The following ZNF862 variants were observed in gnomAD, a reference collection of about 807,000 sequenced individuals.
ZNF862 encodes the protein zinc finger protein 862.
In ZNF862, 64 loss-of-function variants were observed where a neutral mutation model predicts 91.1. The observed-to-expected ratio is 0.70, with a 90% confidence interval of 0.57 to 0.87. The LOEUF (loss-of-function observed/expected upper bound fraction) is 0.87. Among genes scored for constraint, ZNF862 ranks in the 40% least tolerant of loss-of-function variants. The probability of loss-of-function intolerance (pLI) is 0.00; values close to 1 mark genes in which losing one functional copy is unlikely to be tolerated. For synonymous variants in ZNF862, 631 were observed against 618.1 expected (o/e 1.02, Z -0.31); for missense variants, 1,459 against 1,528.0 (o/e 0.95, Z 0.75).
intron 4 of ZNF862, among the ~76,000 whole-genome samples, chr7:149,849,552 G>A (rs528728586): frequency 6.6e-6 from 1 of 152,316 alleles, no homozygotes; most frequent in East Asian, 1.9e-4. Flanking sequence ...TAGCTCGGAG[G>A]TTCCTCCTAG....
intron 1 of ZNF862, chr7:149,841,271 CT>C: frequency 1.0e-6 from 1 of 985,412 alleles, no homozygotes; most frequent in Non-Finnish European, 1.2e-6. Context: ...TAGACTCTTC[CT>C]TGGGTGCTGT....
chr7:149,844,195 A>C (rs1052628791), intron 1 of ZNF862, among the ~76,000 whole-genome samples: 4 of 152,144 alleles, frequency 2.6e-5, no homozygotes, highest in African/African-American at 7.2e-5. Flanking sequence ...TTCATCATCG[A>C]CTTCATTCAC....
At chr7:149,852,201 A>C (rs890352681) in intron 5 of ZNF862, 1 of 151,420 alleles carries the variant, frequency 6.6e-6, no homozygotes, top group Non-Finnish European at 1.5e-5. Flanking sequence ...TGTTATTATT[A>C]TTTTTACTTT....
At chr7:149,839,282 G>A (rs1801624460) in intron 1 of ZNF862, among the ~76,000 whole-genome samples, 1 of 152,208 alleles carries the variant, frequency 6.6e-6, no homozygotes, top group African/African-American at 2.4e-5. Flanking sequence ...GACCAGTGTG[G>A]TTGTGGGCAC....
Position 149,861,641 on chromosome 7 carries a change from GATGCTGAAGCTC to G in ZNF862, c.2486_2497del (p.Leu829_Met832del). ...GCCAGATTGGGCACCGGGCCAAAGG[GATGCTGAAGCTC>G]ATGCGCGGCTTCCACTTTGTCAAGT... On this transcript the variant is annotated inframe_deletion, in exon 7 of 8. Coordinates refer to ENST00000223210, the MANE Select transcript of ZNF862 (RefSeq NM_001099220.3). This position sits in a 1 kb window ranked among gnomAD's most constrained non-coding sequence, Gnocchi z 6.7. The G allele has an allele frequency of 6.2e-7, 1 of 1,607,012 alleles. No individual in the cohort carries two copies. The highest frequency in any genetic ancestry group is 8.5e-7 in the Non-Finnish European group (1 of 1,177,918).
At position 149,862,136 on chromosome 7, in the gene ZNF862, G is replaced by A. The variant is rs1802532490; in HGVS notation, c.2976G>A (p.Glu992=). 1 of 1,613,446 alleles carries A rather than the reference G, an allele frequency of 6.2e-7. No homozygotes were observed. The highest frequency in any genetic ancestry group is 1.7e-5 in the Admixed American group (1 of 60,028). The part of the protein sequence containing the change: ...TGYSEEALLE[E]WLGLKTIAQH... ...ACAGTGAGGAAGCTCTGCTGGAGGA[G>A]TGGCTGGGCCTGAAAACCATTGCCC... The change falls in exon 7 of 8, where the codon GAG becomes GAA. Residue 992 remains glutamate (E), a synonymous_variant. Coordinates refer to ENST00000223210, the MANE Select transcript of ZNF862 (RefSeq NM_001099220.3).
chr7:149,845,552 T>C (rs1371106562), intron 2 of ZNF862, among the ~76,000 whole-genome samples: 2 of 152,222 alleles, frequency 1.3e-5, no homozygotes. Flanking sequence ...AGTTGCAAAA[T>C]AGCAGCTCAT....
rs373426643 is a variant in ZNF862 at position 149,862,377 on chromosome 7, G to A, written c.3217G>A (p.Val1073Met). ...NMLMMTAVNG[V>M]AVTEYDPQPA... ...GCTCATGATGACAGCTGTGAACGGC[G>A]TGGCCGTCACGGAGTACGACCCCCA... Residue 1073 changes from valine (V) to methionine (M), a missense_variant, in exon 7 of 8, where the codon GTG becomes ATG. By Grantham distance (21) the Val-to-Met change is conservative. Transcript: ENST00000223210. 1.4e-5 allele frequency: 22 copies of A among 1,612,694 alleles called. No individual in the cohort carries two copies. The highest frequency in any genetic ancestry group is 4.4e-5 in the South Asian group (4 of 90,900).
rs1802732618 is a variant in ZNF862 at position 149,866,511 on chromosome 7, G to A, written c.*2227G>A. On this transcript the variant is annotated 3_prime_UTR_variant, in exon 8 of 8. Transcript: ENST00000223210. ...CTCAGAGCAGGAGGCCATCCTGTGA[G>A]CAGCCGTGAGTGGGTCTCTGTGGGA... The A allele has an allele frequency of 6.6e-6, 1 of 152,238 alleles. No homozygotes were observed. The highest frequency in any genetic ancestry group is 2.4e-5 in the African/African-American group (1 of 41,436). 9.4% of individuals were successfully genotyped at this position (152,238 alleles called of 1,614,324 possible). A position where few individuals can be genotyped will look rare whatever the true frequency, so the allele number is the denominator to read the frequency against.
Position 149,850,068 on chromosome 7 carries a change from C to T in ZNF862, c.940-93C>T, listed in dbSNP as rs951330840. ...GCATCTGGGCCTCTTGGTGAGCTTC[C>T]CAGGAGAAATAGGGCTTCCAAAGGC... On this transcript the variant is annotated intron_variant, in intron 4 of 7. Coordinates refer to ENST00000223210, the MANE Select transcript of ZNF862 (RefSeq NM_001099220.3). The surrounding 1 kb of genome is among the most constrained non-coding windows in gnomAD (Gnocchi z 4.2). 18 of 1,378,090 alleles carry T rather than the reference C, an allele frequency of 1.3e-5. No homozygotes were observed. In the African/African-American group the frequency reaches 2.2e-4, roughly 17 times the overall value. The allele number at this position is 1,378,090 out of a possible 1,614,324, so 85.4% of individuals were successfully genotyped here. A position where few individuals can be genotyped will look rare whatever the true frequency, so the allele number is the denominator to read the frequency against.
chr7:149,854,570 T>G (rs1220592804), intron 5 of ZNF862, among the ~76,000 whole-genome samples: 1 of 151,980 alleles, frequency 6.6e-6, no homozygotes, highest in Non-Finnish European at 1.5e-5. Context: ...ATCTCACAAC[T>G]CTGCAGGTGG....
At chr7:149,859,357 C>G in intron 5 of ZNF862, 65 bp from the exon 6 acceptor site, 3 of 1,373,760 alleles carry the variant, frequency 2.2e-6, no homozygotes, top group Non-Finnish European at 3.0e-6. Flanking sequence ...CTGGGTCTAG[C>G]TTGAGGGGGC....
Position 149,861,833 on chromosome 7 carries a change from A to T in ZNF862, c.2673A>T (p.Glu891Asp), listed in dbSNP as rs1177135951. 1 of 1,613,744 alleles carries T rather than the reference A, an allele frequency of 6.2e-7. No individual in the cohort carries two copies. The change falls in exon 7 of 8, where the codon GAA becomes GAT. Residue 891 changes from glutamate to aspartate, a missense_variant. By Grantham distance (45) the Glu-to-Asp change is conservative (BLOSUM62 2). Transcript: ENST00000223210. The surrounding 1 kb of genome is among the most constrained non-coding windows in gnomAD (Gnocchi z 6.7). Reference sequence around the variant, plus strand: ...GTCACCAGGCAGGGCCCAAAGAGGAAGAATTCAACGCCAGCTTCAAGGATG... The same window carrying T: ...GTCACCAGGCAGGGCCCAAAGAGGATGAATTCAACGCCAGCTTCAAGGATG... ...SLRHQAGPKE[E>D]EFNASFKDGR...
intron 5 of ZNF862, among the ~76,000 whole-genome samples, chr7:149,857,783 G>A (rs1192721306): frequency 2.0e-5 from 3 of 152,104 alleles, no homozygotes; most frequent in Admixed American, 2.0e-4. Flanking sequence ...AGAGGGAAGG[G>A]CAATTCCATT....
intron 6 of ZNF862, chr7:149,859,791 C>T (rs117272481): frequency 7.1e-6 from 3 of 424,406 alleles, no homozygotes; most frequent in African/African-American, 2.1e-5. Context: ...GGAGCAGGTA[C>T]GTGGGGACAC....
At chr7:149,847,032 T>G (rs898515347) in intron 3 of ZNF862, among the ~76,000 whole-genome samples, 1 of 152,238 alleles carries the variant, frequency 6.6e-6, no homozygotes, top group Admixed American at 6.5e-5. Flanking sequence ...GGAACTTATG[T>G]TGGTACATAA....
At chr7:149,841,952 A>G (rs1041324933) in intron 1 of ZNF862, among the ~76,000 whole-genome samples, 1 of 152,236 alleles carries the variant, frequency 6.6e-6, no homozygotes, top group African/African-American at 2.4e-5. Flanking sequence ...AAATGCCTAT[A>G]AAATACTTTC....
intron 2 of ZNF862, among the ~76,000 whole-genome samples, chr7:149,845,617 CA>C (rs1490580631): frequency 3.9e-5 from 6 of 152,194 alleles, no homozygotes; most frequent in African/African-American, 1.2e-4. Flanking sequence ...TTTTGGCTTT[CA>C]TTTCTTTTGT....
At position 149,838,524 on chromosome 7, in the gene ZNF862, G is replaced by A. The variant is rs1419027981; in HGVS notation, c.-88G>A. On this transcript the variant is annotated 5_prime_UTR_variant, in exon 1 of 8. Coordinates refer to ENST00000223210, the MANE Select transcript of ZNF862 (RefSeq NM_001099220.3). ...ACCTGGGTGCCCTCCCCCTCCGGGA[G>A]CCTGGGTCCCCGGGGCGGTCGCGGC... 4.2e-6 allele frequency: 4 copies of A among 949,862 alleles called. 1 individual carries two copies. In the South Asian group the frequency reaches 2.2e-4, roughly 51 times the overall value. The allele number at this position is 949,862 out of a possible 1,614,324, so 58.8% of individuals were successfully genotyped here. A position where few individuals can be genotyped will look rare whatever the true frequency, so the allele number is the denominator to read the frequency against.
Sources: allele counts gnomAD v4.1 joint callset (sites outside exome capture counted in the v4.1 genomes callset), GRCh38; gene constraint gnomAD v4.1.1; non-coding constraint Gnocchi (gnomAD v3.1); transcripts MANE v1.5; gene names NCBI Gene and HGNC (gene_info 2026-07-23, HGNC 2026-07-21).